Variants in TLN2 observed in about 807,000 individuals in gnomAD.
The protein encoded by TLN2 is talin 2, also known as talin-2.
TLN2 carries 118 observed loss-of-function variants against 294.7 expected under a neutral mutation model. The ratio of observed to expected loss-of-function variants is 0.40; its 90% CI spans 0.34 to 0.47. The LOEUF (loss-of-function observed/expected upper bound fraction) is 0.47, where lower values mean the gene tolerates loss of function less well. TLN2 is among the 20% of genes least tolerant of loss of function. TLN2 has a pLI of 0.84. For missense variants in TLN2, 3,083 were observed against 3,282.2 expected, an observed-to-expected ratio of 0.94 and a Z score of 1.48; for synonymous variants, 1,431 against 1,304.5, an observed-to-expected ratio of 1.10 and a Z score of -2.09.
intron 11 of TLN2, 128 bp downstream of exon 11, chr15:62,675,449 G>A: frequency 1.1e-6 from 1 of 877,982 alleles, no homozygotes; most frequent in South Asian, 1.7e-5. Flanking sequence ...CATCTGGCTA[G>A]TGCTGACCTG....
chr15:62,561,751 C>G (rs2042979271), intron 1 of TLN2, among the ~76,000 whole-genome samples: 1 of 152,016 alleles, frequency 6.6e-6, no homozygotes, highest in African/African-American at 2.4e-5. Context: ...CCCACCCTGG[C>G]CTCCTTCCCT....
chr15:62,706,427 C>T (rs1298978298), intron 19 of TLN2, among the ~76,000 whole-genome samples: 1 of 152,254 alleles, frequency 6.6e-6, no homozygotes, highest in Non-Finnish European at 1.5e-5. Context: ...TATATAGGCT[C>T]TCTTTCTGCT....
chr15:62,542,726 T>A (rs1258770176), intron 1 of TLN2, among the ~76,000 whole-genome samples: 3 of 152,158 alleles, frequency 2.0e-5, no homozygotes, highest in Non-Finnish European at 4.4e-5. Context: ...TGATCCCTTG[T>A]CCTAGGACTG....
chr15:62,489,865 C>CA (rs2038612891), intron 1 of TLN2, among the ~76,000 whole-genome samples: 1 of 152,204 alleles, frequency 6.6e-6, no homozygotes, highest in Non-Finnish European at 1.5e-5. Flanking sequence ...TGTCAACAGC[C>CA]ATGTGAGTAC....
intron 1 of TLN2, among the ~76,000 whole-genome samples, chr15:62,407,140 TC>T (rs1437769108): frequency 6.6e-6 from 1 of 152,076 alleles, no homozygotes; most frequent in African/African-American, 2.4e-5. Context: ...ATTCCACAGT[TC>T]CCTTAATTGT....
intron 46 of TLN2, among the ~76,000 whole-genome samples, chr15:62,794,891 T>C (rs1203804591): frequency 2.0e-5 from 3 of 152,170 alleles, no homozygotes; most frequent in Non-Finnish European, 4.4e-5. Context: ...GAAATCTACC[T>C]ACGAAACGTT....
chr15:62,496,099 C>T (rs1360161539), intron 1 of TLN2, among the ~76,000 whole-genome samples: 1 of 152,190 alleles, frequency 6.6e-6, no homozygotes, highest in Non-Finnish European at 1.5e-5. Flanking sequence ...GATTCTACGC[C>T]AGATGTCAGC....
At chr15:62,785,934 C>T (rs1277061051) in intron 45 of TLN2, among the ~76,000 whole-genome samples, 1 of 152,134 alleles carries the variant, frequency 6.6e-6, no homozygotes, top group Non-Finnish European at 1.5e-5. Context: ...AGCACAACAA[C>T]AGGTTACTTT....
intron 48 of TLN2, among the ~76,000 whole-genome samples, chr15:62,799,537 G>A (rs933960658): frequency 6.6e-6 from 1 of 152,190 alleles, no homozygotes; most frequent in Admixed American, 6.5e-5. Flanking sequence ...ATGTGGGAAC[G>A]TACCTGCATC....
At chr15:62,577,176 G>A (rs531523748) in intron 1 of TLN2, among the ~76,000 whole-genome samples, 73 of 152,346 alleles carry the variant, frequency 4.8e-4, no homozygotes, top group African/African-American at 1.7e-3. Flanking sequence ...GGGCGCGGTG[G>A]CTCACGCCTG....
At chr15:62,545,200 A>G (rs1336291057) in intron 1 of TLN2, among the ~76,000 whole-genome samples, 1 of 151,476 alleles carries the variant, frequency 6.6e-6, no homozygotes, top group East Asian at 1.9e-4. Context: ...GGCCTTCCGG[A>G]GTGCTGGGAT....
At chr15:62,665,064 A>C (rs558330717) in intron 9 of TLN2, among the ~76,000 whole-genome samples, 1 of 151,978 alleles carries the variant, frequency 6.6e-6, no homozygotes, top group Non-Finnish European at 1.5e-5. Context: ...TTCACACTCA[A>C]CTATTTTTGT....
At chr15:62,673,322 T>TTTTTTTTTTTTTTTTTTC (rs1555465070) in intron 9 of TLN2, among the ~76,000 whole-genome samples, 1 of 140,126 alleles carries the variant, frequency 7.1e-6, no homozygotes. Flanking sequence ...TTTTTTTTTT[T>TTTTTTTTTTTTTTTTTTC]TTTTTTGCAA....
At chr15:62,599,334 G>C (rs938248787) in intron 2 of TLN2, among the ~76,000 whole-genome samples, 3 of 152,140 alleles carry the variant, frequency 2.0e-5, no homozygotes, top group African/African-American at 7.2e-5. Flanking sequence ...TAAGCAGTCC[G>C]AGGTTACCCT....
chr15:62,392,906 G>T (rs1244509772), intron 1 of TLN2, among the ~76,000 whole-genome samples: 1 of 152,088 alleles, frequency 6.6e-6, no homozygotes, highest in Non-Finnish European at 1.5e-5. Flanking sequence ...TACCTACCTT[G>T]ATTGCTTATT....
chr15:62,764,718 G>A (rs1207322555), intron 40 of TLN2, among the ~76,000 whole-genome samples: 10 of 152,230 alleles, frequency 6.6e-5, no homozygotes, highest in African/African-American at 2.4e-4. Context: ...CAGAATCCTA[G>A]CACTTTGGGA....
intron 1 of TLN2, among the ~76,000 whole-genome samples, chr15:62,504,259 G>C (rs1036407603): frequency 2.0e-5 from 3 of 152,134 alleles, no homozygotes; most frequent in Non-Finnish European, 4.4e-5. Flanking sequence ...TGATCTATAG[G>C]TCCATTGCAT....
chr15:62,832,653 G>A (rs932119794), intron 54 of TLN2: 4 of 152,172 alleles, frequency 2.6e-5, no homozygotes, highest in African/African-American at 7.2e-5. Context: ...CCCGTGCCTC[G>A]GGTGTCCAGA....
chr15:62,602,726 T>C (rs934620831), intron 2 of TLN2, among the ~76,000 whole-genome samples: 2 of 152,134 alleles, frequency 1.3e-5, no homozygotes, highest in Admixed American at 6.5e-5. Context: ...TCTTTTATAA[T>C]GGCACTAATT....
Sources: allele counts gnomAD v4.1 joint callset (sites outside exome capture counted in the v4.1 genomes callset), GRCh38; gene constraint gnomAD v4.1.1; transcripts MANE v1.5; gene names NCBI Gene and HGNC (gene_info 2026-07-23, HGNC 2026-07-21).